Variants in TMEM33 observed in about 807,000 individuals in gnomAD.
TMEM33 encodes transmembrane protein 33.
A neutral mutation model predicts 29.7 loss-of-function variants in TMEM33; 16 were observed. The ratio of observed to expected loss-of-function variants is 0.54; its 90% confidence interval spans 0.36 to 0.82. The LOEUF (loss-of-function observed/expected upper bound fraction) is 0.82, where lower values mean the gene tolerates loss of function less well. Ranked by LOEUF, TMEM33 falls within the 40% of genes least tolerant of loss-of-function variation. TMEM33 has a pLI of 0.00. For synonymous variants in TMEM33, 112 were observed against 109.4 expected (o/e 1.02, Z -0.15); for missense variants, 252 against 295.3 (o/e 0.85, Z 1.08).
At chr4:41,947,864 C>T (rs886301027) in intron 5 of TMEM33, among the ~76,000 whole-genome samples, 1 of 152,196 alleles carries the variant, frequency 6.6e-6, no homozygotes, top group Non-Finnish European at 1.5e-5. Flanking sequence ...TTATCTTACA[C>T]ATGCGTTGCA....
intron 6 of TMEM33, among the ~76,000 whole-genome samples, chr4:41,950,088 G>A (rs1164870303): frequency 6.6e-6 from 1 of 152,010 alleles, no homozygotes; most frequent in Non-Finnish European, 1.5e-5. Context: ...TGGGAATGAT[G>A]GTTTTGACAT....
At chr4:41,939,522 T>A (rs1480382476) in intron 3 of TMEM33, 139 bp downstream of exon 3, 4 of 899,744 alleles carry the variant, frequency 4.4e-6, no homozygotes, top group Non-Finnish European at 6.7e-6. Context: ...ATATGTTTAG[T>A]GTAAGAATTT....
intron 6 of TMEM33, among the ~76,000 whole-genome samples, chr4:41,951,538 A>G (rs1319577525): frequency 6.6e-6 from 1 of 152,222 alleles, no homozygotes; most frequent in Non-Finnish European, 1.5e-5. Flanking sequence ...GATTGACTTC[A>G]TTAGTCCTCA....
chr4:41,935,963 G>A (rs1412398187), intron 1 of TMEM33, among the ~76,000 whole-genome samples: 6 of 152,238 alleles, frequency 3.9e-5, no homozygotes, highest in Non-Finnish European at 7.3e-5. Flanking sequence ...TATGCAAAGG[G>A]AGGAGAGCGG....
intron 1 of TMEM33, among the ~76,000 whole-genome samples, chr4:41,937,298 G>A (rs1055208069): frequency 1.3e-5 from 2 of 152,170 alleles, no homozygotes; most frequent in Non-Finnish European, 2.9e-5. Flanking sequence ...AGCACAGTAA[G>A]CTGGATTCAT....
At chr4:41,941,011 T>C (rs1712518404) in intron 3 of TMEM33, among the ~76,000 whole-genome samples, 2 of 152,162 alleles carry the variant, frequency 1.3e-5, no homozygotes, top group Admixed American at 6.5e-5. Flanking sequence ...GGGTGAGTAA[T>C]ACTTAAGTAT....
intron 5 of TMEM33, among the ~76,000 whole-genome samples, chr4:41,946,517 A>G (rs1388127709): frequency 6.6e-6 from 1 of 152,196 alleles, no homozygotes; most frequent in African/African-American, 2.4e-5. Context: ...TCTTTTAAGT[A>G]GTGCTTTCTT....
At chr4:41,941,001 G>A (rs1371019948) in intron 3 of TMEM33, among the ~76,000 whole-genome samples, 1 of 152,044 alleles carries the variant, frequency 6.6e-6, no homozygotes, top group East Asian at 1.9e-4. Context: ...TACAGTTAGT[G>A]GGTGAGTAAT....
At chr4:41,944,136 T>G (rs1199490342) in intron 4 of TMEM33, 1 of 285,932 alleles carries the variant, frequency 3.5e-6, no homozygotes. Flanking sequence ...GTTCTGTCAG[T>G]GTTTAATTCT....
rs1190109386 is a variant in TMEM33 at position 41,957,416 on chromosome 4, T to C, written c.*3217T>C. On this transcript the variant is annotated 3_prime_UTR_variant, in exon 7 of 7. Coordinates refer to ENST00000504986, the MANE Select transcript of TMEM33 (RefSeq NM_018126.3). ...AACTATAATACTAAGCTAAAAGTTA[T>C]GAAAAATTAATAGGTTCTTTTATAG... is the stretch of plus-strand genomic sequence containing the variant. 4 of 152,044 alleles carry C rather than the reference T, an allele frequency of 2.6e-5. No individual in the cohort carries two copies. In the East Asian group the frequency reaches 5.8e-4, roughly 22 times the overall value. 9.4% of individuals were successfully genotyped at this position (152,044 alleles called of 1,614,324 possible).
At chr4:41,936,905 T>C (rs1712265565) in intron 1 of TMEM33, among the ~76,000 whole-genome samples, 1 of 152,204 alleles carries the variant, frequency 6.6e-6, no homozygotes, top group African/African-American at 2.4e-5. Context: ...TTGCAGAATT[T>C]GTTTGATTAT....
At position 41,935,431 on chromosome 4, in the gene TMEM33, C is replaced by T; in HGVS notation, c.-54C>T. The T allele has an allele frequency of 3.2e-6, 5 of 1,563,144 alleles. No individual in the cohort carries two copies. The highest frequency in any genetic ancestry group is 4.3e-6 in the Non-Finnish European group (5 of 1,151,094). On this transcript the variant is annotated 5_prime_UTR_variant, in exon 1 of 7. Coordinates refer to ENST00000504986, the MANE Select transcript of TMEM33 (RefSeq NM_018126.3). ...TGGCCCCAGCGCTGACGTTTTCTCT[C>T]CCCTTTCTTCTCTCTTCGCGGTTGC...
intron 5 of TMEM33, among the ~76,000 whole-genome samples, chr4:41,947,712 G>T (rs1456377085): frequency 2.6e-5 from 4 of 152,114 alleles, no homozygotes; most frequent in Non-Finnish European, 5.9e-5. Flanking sequence ...ATAAAATTAA[G>T]AACAGTCTTA....
At chr4:41,949,486 T>G in intron 6 of TMEM33, 101 bp downstream of exon 6, 1 of 931,062 alleles carries the variant, frequency 1.1e-6, no homozygotes, top group Non-Finnish European at 1.6e-6. Flanking sequence ...GTGTTAGACT[T>G]TAGAAGCAAG....
At chr4:41,953,784 A>G in intron 6 of TMEM33, 3 of 476,852 alleles carry the variant, frequency 6.3e-6, no homozygotes, top group Non-Finnish European at 8.3e-6. Context: ...AAACAGTTAC[A>G]ATAGTAACAC....
intron 6 of TMEM33, among the ~76,000 whole-genome samples, chr4:41,949,701 G>C (rs903106909): frequency 2.0e-5 from 3 of 152,110 alleles, no homozygotes; most frequent in African/African-American, 7.2e-5. Context: ...GTGTCAATTA[G>C]ATAAACAATG....
rs1713173820 is a variant in TMEM33 at position 41,954,412 on chromosome 4, G to A, written c.*213G>A. Reference sequence around the variant, plus strand: ...ATTTTACTGCGCTGTGTTGCTAATGGTTAAAGAAGTCTGTATCTAGTGATA... The same window carrying A: ...ATTTTACTGCGCTGTGTTGCTAATGATTAAAGAAGTCTGTATCTAGTGATA... On this transcript the variant is annotated 3_prime_UTR_variant, in exon 7 of 7. Transcript: ENST00000504986. 5.0e-6 allele frequency: 2 copies of A among 400,376 alleles called. No individual in the cohort carries two copies. Among genetic ancestry groups the A allele is most frequent in the Non-Finnish European group, 8.7e-6 (2 of 228,896 alleles). The allele number at this position is 400,376 out of a possible 1,614,324, so 24.8% of individuals were successfully genotyped here.
upstream of TMEM33, chr4:41,935,174 A>T (rs937088438): frequency 6.2e-6 from 3 of 486,424 alleles, no homozygotes; most frequent in Non-Finnish European, 1.1e-5. Context: ...CCGGCGGCGT[A>T]GGTTGGCTCT....
chr4:41,935,367 T>C, upstream of TMEM33: 1 of 1,123,772 alleles, frequency 8.9e-7, no homozygotes, highest in Non-Finnish European at 1.3e-6. Flanking sequence ...GCATCCGGCC[T>C]GTGTGTGGCG....
Sources: allele counts gnomAD v4.1 joint callset (sites outside exome capture counted in the v4.1 genomes callset), GRCh38; gene constraint gnomAD v4.1.1; transcripts MANE v1.5; gene names NCBI Gene and HGNC (gene_info 2026-07-23, HGNC 2026-07-21).